Variants in GABRB3 observed in about 807,000 individuals in gnomAD.
GABRB3 encodes gamma-aminobutyric acid receptor subunit beta-3.
A neutral mutation model predicts 52.1 loss-of-function variants in GABRB3; 14 were observed. The observed-to-expected ratio is 0.27, with a 90% CI of 0.18 to 0.42. GABRB3 has a LOEUF of 0.42. Ranked by LOEUF, GABRB3 falls within the 10% of genes least tolerant of loss-of-function variation. The pLI is 1.00. For missense variants in GABRB3, 307 were observed against 609.1 expected (o/e 0.50, Z 5.22); for synonymous variants, 260 against 232.3 (o/e 1.12, Z -1.08).
intron 3 of GABRB3, among the ~76,000 whole-genome samples, chr15:26,671,142 C>T (rs1887886917): frequency 1.3e-5 from 2 of 152,146 alleles, no homozygotes; most frequent in Admixed American, 1.3e-4. Context: ...TTATGCCAAT[C>T]AAGAAGAGAA....
chr15:26,627,790 G>A (rs753835763), intron 3 of GABRB3, among the ~76,000 whole-genome samples: 8 of 152,214 alleles, frequency 5.3e-5, no homozygotes, highest in East Asian at 3.8e-4. Flanking sequence ...GACAACAAAG[G>A]ATTTAGAAGA....
chr15:26,714,280 T>C (rs1454698429), intron 3 of GABRB3, among the ~76,000 whole-genome samples: 1 of 152,168 alleles, frequency 6.6e-6, no homozygotes, highest in East Asian at 1.9e-4. Context: ...ACTATAACAA[T>C]GCCCCCATAA....
At chr15:26,634,655 T>A (rs1892997829) in intron 3 of GABRB3, among the ~76,000 whole-genome samples, 1 of 151,666 alleles carries the variant, frequency 6.6e-6, no homozygotes, top group Non-Finnish European at 1.5e-5. Context: ...TAGAATAATA[T>A]AGGGAATGAC....
At chr15:26,701,122 G>T (rs762823055) in intron 3 of GABRB3, among the ~76,000 whole-genome samples, 58 of 151,910 alleles carry the variant, frequency 3.8e-4, no homozygotes, top group Non-Finnish European at 8.1e-4. Flanking sequence ...TTGAGACAGA[G>T]CATCTGTGAA....
At chr15:26,607,825 A>T (rs1013278782) in intron 4 of GABRB3, among the ~76,000 whole-genome samples, 2 of 152,034 alleles carry the variant, frequency 1.3e-5, no homozygotes, top group Non-Finnish European at 2.9e-5. Context: ...AAAAATAAAT[A>T]AAAAAAGATA....
intron 4 of GABRB3, among the ~76,000 whole-genome samples, chr15:26,593,998 ATATAT>A (rs1474477723): frequency 7.5e-6 from 1 of 133,420 alleles, no homozygotes; most frequent in African/African-American, 2.8e-5. Context: ...ATATATATAT[ATATAT>A]AATAGCCATC....
intron 8 of GABRB3, chr15:26,557,817 C>T (rs564233412): frequency 7.9e-5 from 12 of 152,166 alleles, no homozygotes; most frequent in East Asian, 1.9e-4. Context: ...CATGAATCAA[C>T]GAAAAATTTC....
At chr15:26,667,833 G>A (rs12900014) in intron 3 of GABRB3, among the ~76,000 whole-genome samples, 39,828 of 152,050 alleles carry the variant, frequency 0.26, 5,962 homozygotes, top group Admixed American at 0.34. Context: ...GTGACTCAGA[G>A]GCATGCTCAA....
chr15:26,580,553 A>G, intron 5 of GABRB3, 97 bp from the exon 6 acceptor site: 1 of 1,490,392 alleles, frequency 6.7e-7, no homozygotes, highest in East Asian at 2.3e-5. Context: ...CGGCTCTGCT[A>G]TGTTTTGAGT....
At chr15:26,753,348 G>A (rs1054183750) in intron 3 of GABRB3, among the ~76,000 whole-genome samples, 1 of 152,202 alleles carries the variant, frequency 6.6e-6, no homozygotes, top group Non-Finnish European at 1.5e-5. Flanking sequence ...AGATTCACAG[G>A]TGAAAGACAG....
intron 3 of GABRB3, among the ~76,000 whole-genome samples, chr15:26,668,530 T>C (rs1887787274): frequency 7.2e-6 from 1 of 139,754 alleles, no homozygotes; most frequent in Admixed American, 7.8e-5. Context: ...TTGGATGTCA[T>C]TTATGTGTTT....
At chr15:26,635,301 T>C (rs1893028791) in intron 3 of GABRB3, among the ~76,000 whole-genome samples, 1 of 151,932 alleles carries the variant, frequency 6.6e-6, no homozygotes, top group South Asian at 2.1e-4. Flanking sequence ...ATTCTGACTG[T>C]GAGACGTGTA....
At chr15:26,594,697 G>A (rs976223247) in intron 4 of GABRB3, among the ~76,000 whole-genome samples, 8 of 151,994 alleles carry the variant, frequency 5.3e-5, no homozygotes. Flanking sequence ...TATTTATTTG[G>A]TAGAGATGGG....
chr15:26,543,687 T>A lies in GABRB3; in HGVS notation c.*4106A>T, dbSNP rs1889115719. The A allele has an allele frequency of 6.6e-6, 1 of 152,648 alleles. No homozygotes were observed. The highest frequency in any genetic ancestry group is 6.5e-5 in the Admixed American group (1 of 15,278). 9.5% of individuals were successfully genotyped at this position (152,648 alleles called of 1,614,324 possible). On this transcript the variant is annotated 3_prime_UTR_variant, in exon 9 of 9. Coordinates refer to ENST00000311550, the MANE Select transcript of GABRB3 (RefSeq NM_000814.6). The stretch of plus-strand genomic sequence containing the variant: ...TCAATGTGCTTAAGCAAAACTGGGT[T>A]TAAATTTATCTTTACAATAAAATGA...
At chr15:26,626,666 G>A (rs543568731) in intron 3 of GABRB3, among the ~76,000 whole-genome samples, 1 of 152,196 alleles carries the variant, frequency 6.6e-6, no homozygotes, top group Non-Finnish European at 1.5e-5. Flanking sequence ...GTTTAATCTG[G>A]AGTAAAATCC....
intron 3 of GABRB3, among the ~76,000 whole-genome samples, chr15:26,750,858 T>C (rs562121252): frequency 3.3e-5 from 5 of 152,224 alleles, no homozygotes; most frequent in Non-Finnish European, 4.4e-5. Flanking sequence ...ATTTTTTTGC[T>C]AATTACTTAA....
chr15:26,660,110 A>C (rs1887493713), intron 3 of GABRB3, among the ~76,000 whole-genome samples: 1 of 151,992 alleles, frequency 6.6e-6, no homozygotes, highest in South Asian at 2.1e-4. Context: ...CGCCCCTGTA[A>C]TCCCAGCTAC....
At chr15:26,770,722 TAATC>T (rs1891121624) in intron 3 of GABRB3, among the ~76,000 whole-genome samples, 1 of 152,228 alleles carries the variant, frequency 6.6e-6, no homozygotes, top group African/African-American at 2.4e-5. Flanking sequence ...ATCCACTAAA[TAATC>T]AATTAACTTC....
At chr15:26,759,255 CA>C (rs575261395) in intron 3 of GABRB3, among the ~76,000 whole-genome samples, 6 of 151,608 alleles carry the variant, frequency 4.0e-5, no homozygotes, top group South Asian at 2.1e-4. Flanking sequence ...TAGAATATAG[CA>C]AAAAAAAATT....
Sources: allele counts gnomAD v4.1 joint callset (sites outside exome capture counted in the v4.1 genomes callset), GRCh38; gene constraint gnomAD v4.1.1; transcripts MANE v1.5; gene names NCBI Gene and HGNC (gene_info 2026-07-23, HGNC 2026-07-21).